STX11: variants seen among roughly 807,000 people sequenced by gnomAD.
The protein encoded by STX11 is syntaxin 11, also known as syntaxin-11.
In STX11, 21 loss-of-function variants were observed where a neutral mutation model predicts 19.9. The observed-to-expected ratio is 1.06, with a 90% CI of 0.75 to 1.52. STX11 has a LOEUF of 1.52. STX11 is among the 40% of genes most tolerant of loss of function. The probability of loss-of-function intolerance (pLI) is 0.00; values close to 1 mark genes in which losing one functional copy is unlikely to be tolerated. For missense variants in STX11, 438 were observed against 405.9 expected (o/e 1.08, Z -0.68); for synonymous variants, 193 against 174.4 (o/e 1.11, Z -0.84).
At chr6:144,150,437 C>G (rs987226627), upstream of STX11, 22 of 952,952 alleles carry the variant, frequency 2.3e-5, no homozygotes, top group Middle Eastern at 1.1e-3. Context: ...CGCCGCGCCC[C>G]AGCGCTGTCA....
In STX11 at chr6:144,174,462, C is replaced by G. The variant is rs1038575718; in HGVS notation, c.-5-12161C>G. Among the ~76,000 whole-genome samples the G allele has an allele frequency of 2.6e-5, 4 of 152,058 alleles. No individual in the cohort carries two copies. Among genetic ancestry groups the G allele is most frequent in the African/African-American group, 9.7e-5 (4 of 41,414 alleles). ...TTAGCTTACTGCAACCTCTGCATCC[C>G]AGGTTCAAGCGATCTTCCAGCCTTA... On this transcript the variant is annotated intron_variant, in intron 1 of 1. Transcript: ENST00000367568. This position sits in a 1 kb window ranked among gnomAD's most constrained non-coding sequence, Gnocchi z 5.3.
At chr6:144,186,229 A>C (rs1056176573) in intron 1 of STX11, among the ~76,000 whole-genome samples, 1 of 149,246 alleles carries the variant, frequency 6.7e-6, no homozygotes, top group Non-Finnish European at 1.5e-5. Flanking sequence ...TGATGAGTTA[A>C]TGGGTGCAGC....
chr6:144,186,179 AG>A (rs1366738490), intron 1 of STX11, among the ~76,000 whole-genome samples: 5 of 71,044 alleles, frequency 7.0e-5, no homozygotes, highest in African/African-American at 2.8e-4. Flanking sequence ...GGGTGGGGGG[AG>A]GGGGGAGGGA....
rs556605223 is a variant in STX11, at chr6:144,187,880, A to G, written c.*389A>G. On this transcript the variant is annotated 3_prime_UTR_variant, in exon 2 of 2. Coordinates refer to ENST00000367568, the MANE Select transcript of STX11 (RefSeq NM_003764.4). The surrounding 1 kb of genome is among the most constrained non-coding windows in gnomAD (Gnocchi z 5.6). ...GGGCATCTGCTAATAGAATGAACTC[A>G]TGATGGAAACTTCAGTTCATTTACT... is the stretch of plus-strand genomic sequence containing the variant. The G allele has an allele frequency of 2.8e-6, 1 of 354,922 alleles. No homozygotes were observed. Among genetic ancestry groups the G allele is most frequent in the South Asian group, 4.7e-5 (1 of 21,090 alleles). The allele number at this position is 354,922 out of a possible 1,614,324, so 22.0% of individuals were successfully genotyped here.
the STX11 span, among the ~76,000 whole-genome samples, chr6:144,141,281 G>C: frequency 3.5e-3 from 537 of 152,240 alleles, 1 homozygote; most frequent in Non-Finnish European, 6.1e-3. Context: ...AGAGCAACCA[G>C]TACATATCAA....
Position 144,172,917 on chromosome 6 carries a change from A to G in STX11, c.-5-13706A>G, listed in dbSNP as rs1801677323. On this transcript the variant is annotated intron_variant, in intron 1 of 1. Coordinates refer to ENST00000367568, the MANE Select transcript of STX11 (RefSeq NM_003764.4). This position sits in a 1 kb window ranked among gnomAD's most constrained non-coding sequence, Gnocchi z 4.2. Reference sequence around the variant, plus strand: ...AAAAAGAGCCATTAACAGGATACATATGACAACCACTGGTCCATAGCAGTT... The same window carrying G: ...AAAAAGAGCCATTAACAGGATACATGTGACAACCACTGGTCCATAGCAGTT... 1.3e-5 allele frequency among the ~76,000 whole-genome samples: 2 copies of G among 152,154 alleles called. No homozygotes were observed. The highest frequency in any genetic ancestry group is 4.8e-5 in the African/African-American group (2 of 41,426).
the STX11 span, among the ~76,000 whole-genome samples, chr6:144,140,541 C>T: frequency 6.6e-6 from 1 of 152,022 alleles, no homozygotes; most frequent in African/African-American, 2.4e-5. Flanking sequence ...AGGCATGAAC[C>T]ATCATGCCTG....
chr6:144,151,549 C>T lies in STX11; in HGVS notation c.-6+846C>T, dbSNP rs1801006924. ...CCTGGGGCAGTGGTATGGGAAGTGA[C>T]GATTGAGTTTTCAGTTTCCTAAGGC... On this transcript the variant is annotated intron_variant, in intron 1 of 1. Transcript: ENST00000367568. This position sits in a 1 kb window ranked among gnomAD's most constrained non-coding sequence, Gnocchi z 4.6. 1.8e-6 allele frequency: 1 copy of T among 562,688 alleles called. No individual in the cohort carries two copies. Among genetic ancestry groups the T allele is most frequent in the South Asian group, 7.7e-5 (1 of 12,934 alleles). 34.9% of individuals were successfully genotyped at this position (562,688 alleles called of 1,614,324 possible).
chr6:144,186,556 T>G, intron 1 of STX11, 67 bp from the exon 2 acceptor site: 1 of 1,607,786 alleles, frequency 6.2e-7, no homozygotes, highest in South Asian at 1.1e-5. Context: ...TGTTTAAGTT[T>G]CAATCCCTTG....
chr6:144,161,803 G>A (rs183537702), intron 1 of STX11, among the ~76,000 whole-genome samples: 4 of 152,262 alleles, frequency 2.6e-5, no homozygotes, highest in Non-Finnish European at 4.4e-5. Context: ...ATTTTCATTC[G>A]TAGGATGTTT....
Position 144,160,643 on chromosome 6 carries a change from TG to T in STX11, c.-6+9941del, listed in dbSNP as rs1801311536. 6.6e-6 allele frequency among the ~76,000 whole-genome samples: 1 copy of T among 152,150 alleles called. No individual in the cohort carries two copies. The highest frequency in any genetic ancestry group is 2.4e-5 in the African/African-American group (1 of 41,438). ...TAAGAATACCAAACATTTGGCTGAT[TG>T]CAGGGAGGGAGGGATTAATTCACCA... On this transcript the variant is annotated intron_variant, in intron 1 of 1. Transcript: ENST00000367568. This position sits in a 1 kb window ranked among gnomAD's most constrained non-coding sequence, Gnocchi z 4.3.
rs756431166 is a variant in STX11, at chr6:144,186,701, A to G, written c.74A>G (p.Glu25Gly). 13 of 1,614,088 alleles carry G rather than the reference A, an allele frequency of 8.1e-6. No individual in the cohort carries two copies. Among genetic ancestry groups the G allele is most frequent in the Middle Eastern group, 1.6e-4 (1 of 6,084 alleles). The change falls in exon 2 of 2, where the codon GAG becomes GGG. Residue 25 changes from glutamate to glycine, a missense_variant. By Grantham distance (98) the Glu-to-Gly change is moderately conservative. Transcript: ENST00000367568. Reference sequence around the variant, plus strand: ...CAGCAGTTCCCAGACGGGGACGATGAGTTTGACTCGCCCCACGAGGACATC... The same window carrying G: ...CAGCAGTTCCCAGACGGGGACGATGGGTTTGACTCGCCCCACGAGGACATC... ...YDQQFPDGDD[E>G]FDSPHEDIVF...
In STX11 at chr6:144,152,543, T is replaced by G. The variant is rs1320688378; in HGVS notation, c.-6+1840T>G. On this transcript the variant is annotated intron_variant, in intron 1 of 1. Transcript: ENST00000367568. This position sits in a 1 kb window ranked among gnomAD's most constrained non-coding sequence, Gnocchi z 4.9. Reference sequence around the variant, plus strand: ...ATTTAATAACCATGTAAAACGAAATTCAGCTGATTATCACCCCTGGACAAT... The same window carrying G: ...ATTTAATAACCATGTAAAACGAAATGCAGCTGATTATCACCCCTGGACAAT... Among the ~76,000 whole-genome samples, 2 of 152,228 alleles carry G rather than the reference T, an allele frequency of 1.3e-5. No individual in the cohort carries two copies. The highest frequency in any genetic ancestry group is 1.5e-5 in the Non-Finnish European group (1 of 68,038).
rs762932855 is a variant in STX11 at position 144,155,546 on chromosome 6, T to C, written c.-6+4843T>C. 1.1e-4 allele frequency among the ~76,000 whole-genome samples: 17 copies of C among 152,304 alleles called. No homozygotes were observed. The Middle Eastern group carries it at 0.014, about 122-fold the overall frequency. On this transcript the variant is annotated intron_variant, in intron 1 of 1. Transcript: ENST00000367568. This position sits in a 1 kb window ranked among gnomAD's most constrained non-coding sequence, Gnocchi z 4.5. Reference sequence around the variant, plus strand: ...CTACCCCTTGGCCTGAGCTTTTATGTGCCTGCCTATAATTCATTCAGTGCT... The same window carrying C: ...CTACCCCTTGGCCTGAGCTTTTATGCGCCTGCCTATAATTCATTCAGTGCT...
In STX11 at chr6:144,186,741, C is replaced by A. The variant is rs760218913; in HGVS notation, c.114C>A (p.Asp38Glu). Residue 38 changes from aspartate (D) to glutamate (E), a missense_variant, in exon 2 of 2, where the codon GAC (aspartate) becomes GAA (glutamate). Asp to Glu is a conservative substitution (Grantham distance 45). Transcript: ENST00000367568. ...ACGAGGACATCGTGTTCGAGACGGA[C>A]CACATCCTGGAGTCCCTGTACCGAG... ...SPHEDIVFET[D>E]HILESLYRDI... 3.7e-6 allele frequency: 6 copies of A among 1,614,184 alleles called. No individual in the cohort carries two copies. The East Asian group carries it at 1.3e-4, about 36-fold the overall frequency.
rs1166786444 is a variant in STX11, at chr6:144,162,270, G to C, written c.-6+11567G>C. On this transcript the variant is annotated intron_variant, in intron 1 of 1. Coordinates refer to ENST00000367568, the MANE Select transcript of STX11 (RefSeq NM_003764.4). The surrounding 1 kb of genome is among the most constrained non-coding windows in gnomAD (Gnocchi z 4.6). ...GTTCTGAGTCTTTAGAAATTTATTT[G>C]ATGGTGTAACTTCGGTTGCTTCTTG... is the stretch of plus-strand genomic sequence containing the variant. Among the ~76,000 whole-genome samples the C allele has an allele frequency of 2.6e-5, 4 of 152,188 alleles. No individual in the cohort carries two copies. The highest frequency in any genetic ancestry group is 4.8e-5 in the African/African-American group (2 of 41,434).
In STX11 at chr6:144,165,595, T is replaced by C. The variant is rs1459067537; in HGVS notation, c.-6+14892T>C. 2.0e-5 allele frequency among the ~76,000 whole-genome samples: 3 copies of C among 152,256 alleles called. No individual in the cohort carries two copies. The highest frequency in any genetic ancestry group is 7.2e-5 in the African/African-American group (3 of 41,468). ...TGAGCTGAATAGAGCATTAATATGC[T>C]GTAACTTGAGTTATAGGAGTAATAT... On this transcript the variant is annotated intron_variant, in intron 1 of 1. Transcript: ENST00000367568. This position sits in a 1 kb window ranked among gnomAD's most constrained non-coding sequence, Gnocchi z 5.8.
At chr6:144,164,349 T>A (rs1801422913) in intron 1 of STX11, among the ~76,000 whole-genome samples, 1 of 152,230 alleles carries the variant, frequency 6.6e-6, no homozygotes, top group Non-Finnish European at 1.5e-5. Context: ...AATCAAATGA[T>A]AAAGAATACT....
At position 144,170,207 on chromosome 6, in the gene STX11, A is replaced by G. The variant is rs1801594081; in HGVS notation, c.-5-16416A>G. Among the ~76,000 whole-genome samples the G allele has an allele frequency of 6.6e-6, 1 of 152,202 alleles. No homozygotes were observed. Among genetic ancestry groups the G allele is most frequent in the Admixed American group, 6.5e-5 (1 of 15,280 alleles). ...TCTGCAGGCCTTTTTGAAATTTTCAAAAATGTCAGAGCAGAGTATAAGCAA... is the reference window on the plus strand; with the variant it reads ...TCTGCAGGCCTTTTTGAAATTTTCAGAAATGTCAGAGCAGAGTATAAGCAA... On this transcript the variant is annotated intron_variant, in intron 1 of 1. Transcript: ENST00000367568. This position sits in a 1 kb window ranked among gnomAD's most constrained non-coding sequence, Gnocchi z 4.7.
Sources: gnomAD v4.1 joint callset for allele counts (sites outside exome capture counted in the v4.1 genomes callset) on GRCh38, gnomAD v4.1.1 for gene constraint, Gnocchi (gnomAD v3.1) non-coding constraint, MANE v1.5 for transcripts, NCBI Gene and HGNC (gene_info 2026-07-23, HGNC 2026-07-21) for gene names.